Variants in NCAM2 observed in about 807,000 individuals in gnomAD.
The protein encoded by NCAM2 is N-CAM-2.
Under a neutral mutation model 98.1 loss-of-function variants are expected in NCAM2, and 30 were observed. The ratio of observed to expected loss-of-function variants is 0.31; its 90% CI spans 0.23 to 0.41. NCAM2 has a LOEUF of 0.41. Ranked by LOEUF, NCAM2 falls within the 10% of genes least tolerant of loss-of-function variation. NCAM2 has a pLI of 1.00. For missense variants in NCAM2, 867 were observed against 1,005.8 expected, an observed-to-expected ratio of 0.86 and a Z score of 1.87; for synonymous variants, 368 against 342.4, an observed-to-expected ratio of 1.07 and a Z score of -0.83.
Position 21,543,210 on chromosome 21 carries a change from T to C in NCAM2, c.*5253T>C, listed in dbSNP as rs1439797256. 1 of 151,898 alleles carries C rather than the reference T, an allele frequency of 6.6e-6. No individual in the cohort carries two copies. Among genetic ancestry groups the C allele is most frequent in the Middle Eastern group, 3.2e-3 (1 of 316 alleles). 9.4% of individuals were successfully genotyped at this position (151,898 alleles called of 1,614,324 possible). The stretch of plus-strand genomic sequence containing the variant: ...TATATATATGTCTAAACTGTAAAAA[T>C]TATACTGCAAATGTTGAAGTTTTGT... On this transcript the variant is annotated 3_prime_UTR_variant, in exon 18 of 18. Transcript: ENST00000400546.
intron 8 of NCAM2, among the ~76,000 whole-genome samples, chr21:21,363,965 A>G (rs1385076257): frequency 6.6e-6 from 1 of 152,038 alleles, no homozygotes. Context: ...AACAATCACA[A>G]AAAGCTTGAT....
intron 1 of NCAM2, among the ~76,000 whole-genome samples, chr21:21,033,565 C>A (rs974340742): frequency 2.0e-5 from 3 of 151,876 alleles, no homozygotes; most frequent in African/African-American, 7.3e-5. Context: ...AAATGACCTC[C>A]CCCCCAAAAC....
intron 8 of NCAM2, among the ~76,000 whole-genome samples, chr21:21,351,315 G>A (rs1056609080): frequency 1.3e-5 from 2 of 151,938 alleles, no homozygotes; most frequent in Admixed American, 6.6e-5. Flanking sequence ...ATGTACAGTA[G>A]TAGGGCTATC....
chr21:21,210,436 A>G, intron 1 of NCAM2: 2 of 919,808 alleles, frequency 2.2e-6, no homozygotes, highest in South Asian at 3.5e-5. Context: ...ATTTAAGAGC[A>G]CCAGGACACT....
chr21:21,037,539 T>A lies in NCAM2; in HGVS notation c.55+38921T>A, dbSNP rs114646076. ...AAGTAGTTTCAGTTTGATATAATTCTTAGTAATAAGAAATGGCAGGCATTT... is the reference window on the plus strand; with the variant it reads ...AAGTAGTTTCAGTTTGATATAATTCATAGTAATAAGAAATGGCAGGCATTT... On this transcript the variant is annotated intron_variant, in intron 1 of 17. Coordinates refer to ENST00000400546, the MANE Select transcript of NCAM2 (RefSeq NM_004540.5). Among the ~76,000 whole-genome samples, 1,188 of 152,302 alleles carry A rather than the reference T, an allele frequency of 7.8e-3. 7 individuals are homozygous for A. The highest frequency in any genetic ancestry group is 0.027 in the African/African-American group (1,143 of 41,566).
rs1466860593 is a variant in NCAM2, at chr21:21,539,771, T to C, written c.*1814T>C. 2 of 152,178 alleles carry C rather than the reference T, an allele frequency of 1.3e-5. No individual in the cohort carries two copies. The highest frequency in any genetic ancestry group is 4.8e-5 in the African/African-American group (2 of 41,452). 9.4% of individuals were successfully genotyped at this position (152,178 alleles called of 1,614,324 possible). A position where few individuals can be genotyped will look rare whatever the true frequency, so the allele number is the denominator to read the frequency against. On this transcript the variant is annotated 3_prime_UTR_variant, in exon 18 of 18. Coordinates refer to ENST00000400546, the MANE Select transcript of NCAM2 (RefSeq NM_004540.5). ...GAATTCTTGTGCCTACCTAAGAATT[T>C]GAGTAGTGTCTAAACAAACAAAGCA...
intron 15 of NCAM2, among the ~76,000 whole-genome samples, chr21:21,494,105 A>G (rs1250769844): frequency 1.3e-5 from 2 of 151,904 alleles, no homozygotes; most frequent in East Asian, 3.9e-4. Flanking sequence ...GAAAAATAAT[A>G]ATACGTATCT....
chr21:21,144,325 A>G (rs944925631), intron 1 of NCAM2, among the ~76,000 whole-genome samples: 1 of 149,832 alleles, frequency 6.7e-6, no homozygotes, highest in African/African-American at 2.5e-5. Context: ...CTCCAGGGAG[A>G]CAGAGCAAGA....
intron 11 of NCAM2, among the ~76,000 whole-genome samples, chr21:21,430,947 G>A (rs1365256649): frequency 1.3e-5 from 2 of 149,994 alleles, no homozygotes; most frequent in Non-Finnish European, 3.0e-5. Flanking sequence ...TCTGGAGGCT[G>A]AAGCAGGAGA....
intron 1 of NCAM2, among the ~76,000 whole-genome samples, chr21:21,041,845 C>T (rs1167564356): frequency 2.0e-5 from 3 of 152,092 alleles, no homozygotes; most frequent in Non-Finnish European, 4.4e-5. Context: ...TGGTTGACTT[C>T]CTTGTTAGTC....
At chr21:21,205,637 T>G (rs1039612943) in intron 1 of NCAM2, among the ~76,000 whole-genome samples, 3 of 152,222 alleles carry the variant, frequency 2.0e-5, no homozygotes, top group African/African-American at 7.2e-5. Context: ...ATCTTTAATT[T>G]TTTTTAAGGA....
At chr21:21,462,380 A>T (rs1225183711) in intron 12 of NCAM2, among the ~76,000 whole-genome samples, 2 of 152,060 alleles carry the variant, frequency 1.3e-5, no homozygotes, top group Non-Finnish European at 2.9e-5. Context: ...GCTGAGCTTA[A>T]TTAGTTACCA....
At chr21:21,171,846 A>AT (rs1371603353) in intron 1 of NCAM2, among the ~76,000 whole-genome samples, 2 of 33,200 alleles carry the variant, frequency 6.0e-5, no homozygotes, top group Admixed American at 2.9e-4. Flanking sequence ...AATCAACAGA[A>AT]TTTTTTTTTT....
At chr21:21,224,282 C>A (rs530927127) in intron 1 of NCAM2, among the ~76,000 whole-genome samples, 57 of 152,252 alleles carry the variant, frequency 3.7e-4, no homozygotes, top group African/African-American at 1.3e-3. Flanking sequence ...TGAGAGTTAG[C>A]GAATGGCCCT....
In NCAM2 at chr21:21,537,962, A is replaced by G; in HGVS notation, c.*5A>G. 6.8e-7 allele frequency: 1 copy of G among 1,474,324 alleles called. No individual in the cohort carries two copies. Among genetic ancestry groups the G allele is most frequent in the Non-Finnish European group, 9.3e-7 (1 of 1,080,640 alleles). 91.3% of individuals were successfully genotyped at this position (1,474,324 alleles called of 1,614,324 possible). On this transcript the variant is annotated 3_prime_UTR_variant, in exon 18 of 18. Transcript: ENST00000400546. ...GAAGACGACAGCAAAGCATAACAAC[A>G]ATATTACAGGGGCTTGAACAACACT...
chr21:21,252,183 T>C (rs2071500101), intron 1 of NCAM2, among the ~76,000 whole-genome samples: 1 of 152,000 alleles, frequency 6.6e-6, no homozygotes, highest in Non-Finnish European at 1.5e-5. Context: ...TGGTGATTAT[T>C]AAAATGTAAG....
intron 1 of NCAM2, among the ~76,000 whole-genome samples, chr21:21,199,796 G>A (rs553836913): frequency 5.9e-5 from 9 of 151,934 alleles, no homozygotes; most frequent in Admixed American, 4.6e-4. Flanking sequence ...TTCTATAATC[G>A]TATGGCATTC....
intron 1 of NCAM2, among the ~76,000 whole-genome samples, chr21:21,048,938 A>G (rs976665699): frequency 9.2e-5 from 14 of 152,146 alleles, no homozygotes; most frequent in Non-Finnish European, 1.8e-4. Context: ...TCATAAGATA[A>G]TCACAAAGAA....
chr21:21,071,869 GCCTATCTATCTATCTA>G lies in NCAM2; in HGVS notation c.55+73252_55+73267del, dbSNP rs1480231009. Reference sequence around the variant, plus strand: ...TACTGCCCAATTATTTGTCATGTCTGCCTATCTATCTATCTATCTATCTATCTATCTATCTATCTAT... The same window carrying G: ...TACTGCCCAATTATTTGTCATGTCTGTCTATCTATCTATCTATCTATCTAT... On this transcript the variant is annotated intron_variant, in intron 1 of 17. Coordinates refer to ENST00000400546, the MANE Select transcript of NCAM2 (RefSeq NM_004540.5). Among the ~76,000 whole-genome samples the G allele has an allele frequency of 1.2e-3, 160 of 133,860 alleles. 13 individuals carry two copies. The highest frequency in any genetic ancestry group is 1.6e-3 in the Admixed American group (21 of 12,790). The allele number at this position is 133,860 out of a possible 152,430, so 87.8% of individuals were successfully genotyped here.
Sources: allele counts gnomAD v4.1 joint callset (sites outside exome capture counted in the v4.1 genomes callset), GRCh38; gene constraint gnomAD v4.1.1; transcripts MANE v1.5; gene names NCBI Gene and HGNC (gene_info 2026-07-23, HGNC 2026-07-21).